The following KIFAP3 variants were observed in gnomAD, a reference collection of about 807,000 sequenced individuals.
KIFAP3 encodes kinesin associated protein 3.
In KIFAP3, 68 loss-of-function variants were observed where a neutral mutation model predicts 106.5. The observed-to-expected ratio is 0.64, with a 90% CI of 0.53 to 0.78. KIFAP3 has a LOEUF of 0.78. KIFAP3 is among the 30% of genes least tolerant of loss of function. The probability of loss-of-function intolerance (pLI) is 0.00; values close to 1 mark genes in which losing one functional copy is unlikely to be tolerated. For synonymous variants in KIFAP3, 320 were observed against 311.5 expected (o/e 1.03, Z -0.29); for missense variants, 780 against 941.8 (o/e 0.83, Z 2.25).
intron 2 of KIFAP3, 56 bp downstream of exon 2, chr1:170,055,249 T>C: frequency 6.8e-7 from 1 of 1,466,228 alleles, no homozygotes; most frequent in South Asian, 1.3e-5. Flanking sequence ...ATCAGATTTG[T>C]ATAAAGTTTA....
intron 10 of KIFAP3, 44 bp downstream of exon 10, chr1:170,016,418 T>A: frequency 6.6e-7 from 1 of 1,526,176 alleles, no homozygotes; most frequent in East Asian, 2.4e-5. Context: ...CCAGCGATGT[T>A]GGAAATTCCA....
chr1:169,974,238 A>G (rs545621022), intron 16 of KIFAP3, among the ~76,000 whole-genome samples: 15 of 152,132 alleles, frequency 9.9e-5, no homozygotes, highest in African/African-American at 3.6e-4. Flanking sequence ...GAAGTGAAGA[A>G]AAAAGTTGTG....
At chr1:170,025,850 A>G (rs902997513) in intron 8 of KIFAP3, among the ~76,000 whole-genome samples, 2 of 152,218 alleles carry the variant, frequency 1.3e-5, no homozygotes, top group Non-Finnish European at 2.9e-5. Flanking sequence ...ACTTCTCTTT[A>G]CAGCCAAGAT....
chr1:169,997,683 C>T (rs369308360), intron 10 of KIFAP3, among the ~76,000 whole-genome samples: 3 of 151,874 alleles, frequency 2.0e-5, no homozygotes, highest in Admixed American at 6.6e-5. Context: ...CCAGCCTGGC[C>T]ACCATGATGA....
intron 16 of KIFAP3, among the ~76,000 whole-genome samples, chr1:169,972,812 T>C (rs573941880): frequency 1.3e-5 from 2 of 151,658 alleles, no homozygotes; most frequent in African/African-American, 2.4e-5. Context: ...GAGAAAAATC[T>C]AGATGAAAAT....
intron 10 of KIFAP3, among the ~76,000 whole-genome samples, chr1:170,005,311 G>C (rs933944178): frequency 2.2e-4 from 33 of 152,126 alleles, no homozygotes; most frequent in African/African-American, 8.0e-4. Flanking sequence ...ATTCCTCAGG[G>C]ATCTAGAACT....
intron 5 of KIFAP3, 42 bp downstream of exon 5, chr1:170,038,248 C>A: frequency 2.1e-6 from 3 of 1,422,940 alleles, no homozygotes; most frequent in Non-Finnish European, 2.8e-6. Flanking sequence ...ATAACTGTAA[C>A]TTATTCCTCT....
intron 2 of KIFAP3, 150 bp downstream of exon 2, chr1:170,055,155 C>G (rs1401298595): frequency 1.5e-6 from 1 of 646,940 alleles, no homozygotes; most frequent in East Asian, 3.4e-5. Flanking sequence ...TCCATACTTA[C>G]AGTTTAATAT....
At chr1:169,985,547 A>G (rs1375197613) in intron 11 of KIFAP3, among the ~76,000 whole-genome samples, 1 of 151,934 alleles carries the variant, frequency 6.6e-6, no homozygotes, top group Non-Finnish European at 1.5e-5. Context: ...AAAACTTTAA[A>G]GGAAAGATAG....
intron 19 of KIFAP3, among the ~76,000 whole-genome samples, chr1:169,926,870 A>G (rs556553914): frequency 6.6e-6 from 1 of 152,174 alleles, no homozygotes; most frequent in Non-Finnish European, 1.5e-5. Flanking sequence ...CCATCAGGTA[A>G]TATTGAAGGC....
intron 19 of KIFAP3, among the ~76,000 whole-genome samples, chr1:169,943,419 A>G (rs1234358405): frequency 1.3e-5 from 2 of 152,172 alleles, no homozygotes; most frequent in African/African-American, 4.8e-5. Context: ...ATCTACCTTA[A>G]ATTAGAAAAT....
chr1:170,054,730 G>A (rs946134688), intron 2 of KIFAP3, among the ~76,000 whole-genome samples: 1 of 151,936 alleles, frequency 6.6e-6, no homozygotes, highest in Non-Finnish European at 1.5e-5. Context: ...AACACCACAT[G>A]TTCTCACTCA....
intron 3 of KIFAP3, among the ~76,000 whole-genome samples, chr1:170,046,210 CA>C (rs60580320): frequency 0.15 from 8,822 of 57,084 alleles, 333 homozygotes; most frequent in Middle Eastern, 0.29. Context: ...TTCTCTGCTG[CA>C]AAAAAAAAAA....
At chr1:170,056,451 C>T (rs1300636440) in intron 1 of KIFAP3, among the ~76,000 whole-genome samples, 1 of 152,118 alleles carries the variant, frequency 6.6e-6, no homozygotes, top group Non-Finnish European at 1.5e-5. Flanking sequence ...TGCCACTTGG[C>T]CATTTTAGAA....
chr1:169,956,485 T>C (rs1665017735), intron 18 of KIFAP3, among the ~76,000 whole-genome samples: 1 of 151,848 alleles, frequency 6.6e-6, no homozygotes, highest in Non-Finnish European at 1.5e-5. Context: ...CAAATAGAAA[T>C]CAAATTAAAA....
intron 10 of KIFAP3, among the ~76,000 whole-genome samples, chr1:170,005,570 A>G (rs1175022430): frequency 6.6e-6 from 1 of 151,948 alleles, no homozygotes; most frequent in Non-Finnish European, 1.5e-5. Flanking sequence ...ACATGGATGA[A>G]GCTGGAAACC....
chr1:169,955,955 A>G (rs992369864), intron 18 of KIFAP3, among the ~76,000 whole-genome samples: 1 of 152,202 alleles, frequency 6.6e-6, no homozygotes, highest in Non-Finnish European at 1.5e-5. Context: ...AATCAATTTT[A>G]TATGGATTCT....
At chr1:169,944,566 T>C (rs1322481408) in intron 19 of KIFAP3, among the ~76,000 whole-genome samples, 1 of 152,148 alleles carries the variant, frequency 6.6e-6, no homozygotes, top group Non-Finnish European at 1.5e-5. Flanking sequence ...CTTTGAGTCC[T>C]GCCATTCAGG....
At chr1:169,987,272 T>A (rs1666875439) in intron 11 of KIFAP3, among the ~76,000 whole-genome samples, 1 of 152,034 alleles carries the variant, frequency 6.6e-6, no homozygotes, top group Non-Finnish European at 1.5e-5. Flanking sequence ...AGAAAAGCAC[T>A]AAAAGGGCTT....
Sources: allele counts gnomAD v4.1 joint callset (sites outside exome capture counted in the v4.1 genomes callset), GRCh38; gene constraint gnomAD v4.1.1; transcripts MANE v1.5; gene names NCBI Gene and HGNC (gene_info 2026-07-23, HGNC 2026-07-21).